The following PHACTR4 variants were observed in gnomAD, a reference collection of about 807,000 sequenced individuals.
PHACTR4 encodes phosphatase and actin regulator 4.
In PHACTR4, 51 loss-of-function variants were observed where a neutral mutation model predicts 72.7. The ratio of observed to expected loss-of-function variants is 0.70; its 90% CI spans 0.56 to 0.89. The LOEUF is 0.89. Among genes scored for constraint, PHACTR4 ranks in the 40% least tolerant of loss-of-function variants. The pLI, the probability that PHACTR4 is intolerant of heterozygous loss-of-function variation, is 0.00. For missense variants in PHACTR4, 731 were observed against 861.8 expected (o/e 0.85, Z 1.90); for synonymous variants, 255 against 302.5 (o/e 0.84, Z 1.63).
chr1:28,473,460 T>A, intron 6 of PHACTR4, 94 bp from the exon 7 acceptor site: 3 of 919,406 alleles, frequency 3.3e-6, no homozygotes, highest in Non-Finnish European at 5.1e-6. Context: ...GCTTAAAAGA[T>A]TAAAACTGAA....
intron 6 of PHACTR4, among the ~76,000 whole-genome samples, chr1:28,471,220 A>C (rs1194385159): frequency 6.6e-6 from 1 of 151,834 alleles, no homozygotes; most frequent in Admixed American, 6.6e-5. Flanking sequence ...GTGGTGGCAC[A>C]TGCCTGTAAT....
intron 9 of PHACTR4, among the ~76,000 whole-genome samples, chr1:28,480,877 C>G (rs1344326025): frequency 1.3e-5 from 2 of 152,074 alleles, no homozygotes; most frequent in African/African-American, 4.8e-5. Context: ...TTAGCAAAGA[C>G]AGCGTTTCGC....
Position 28,459,272 on chromosome 1 carries a change from G to A in PHACTR4, c.190+14G>A, listed in dbSNP as rs1346797168. On this transcript the variant is annotated intron_variant, in intron 3 of 13. Coordinates refer to ENST00000373839, the MANE Select transcript of PHACTR4 (RefSeq NM_001048183.3). The stretch of plus-strand genomic sequence containing the variant: ...AGACTTCAGAAGGTGAGATATTAAG[G>A]GTTAAATGTGTGTTCTGAGTTAGAA... 6.2e-7 allele frequency: 1 copy of A among 1,602,728 alleles called. No individual in the cohort carries two copies. Among genetic ancestry groups the A allele is most frequent in the Admixed American group, 1.7e-5 (1 of 59,340 alleles).
intron 1 of PHACTR4, among the ~76,000 whole-genome samples, chr1:28,398,602 T>C (rs916769506): frequency 6.6e-6 from 1 of 152,014 alleles, no homozygotes; most frequent in Non-Finnish European, 1.5e-5. Flanking sequence ...GCGGATCGCT[T>C]GAGGTCAAGA....
intron 1 of PHACTR4, among the ~76,000 whole-genome samples, chr1:28,403,641 T>A (rs1165101925): frequency 6.6e-6 from 1 of 152,194 alleles, no homozygotes; most frequent in Non-Finnish European, 1.5e-5. Flanking sequence ...TGGCTTTTAA[T>A]ATATTTGCAA....
intron 2 of PHACTR4, among the ~76,000 whole-genome samples, chr1:28,422,879 C>T (rs1020776671): frequency 5.3e-5 from 8 of 152,166 alleles, no homozygotes; most frequent in Admixed American, 2.0e-4. Context: ...CTTCACCTCC[C>T]GGGTTCAAGC....
chr1:28,458,629 A>G (rs916624479), intron 2 of PHACTR4, among the ~76,000 whole-genome samples: 1 of 152,166 alleles, frequency 6.6e-6, no homozygotes, highest in Non-Finnish European at 1.5e-5. Flanking sequence ...AGCAGATATA[A>G]GTAAGGTACT....
intron 2 of PHACTR4, among the ~76,000 whole-genome samples, chr1:28,432,602 A>G (rs1656349469): frequency 6.6e-6 from 1 of 151,920 alleles, no homozygotes; most frequent in South Asian, 2.1e-4. Context: ...GCACCTCTGC[A>G]CTCCAGCCTA....
chr1:28,457,353 T>C (rs1469787832), intron 2 of PHACTR4: 1 of 442,718 alleles, frequency 2.3e-6, no homozygotes, highest in East Asian at 7.1e-5. Flanking sequence ...CCAGTGCTTT[T>C]GGGAGGCCAA....
chr1:28,484,733 C>T (rs566892931), intron 9 of PHACTR4, among the ~76,000 whole-genome samples: 6 of 151,550 alleles, frequency 4.0e-5, no homozygotes, highest in African/African-American at 1.2e-4. Context: ...TTTGGGAGGC[C>T]GAGGCGGGTG....
intron 6 of PHACTR4, chr1:28,467,341 G>A (rs74894865): frequency 0.088 from 13,460 of 152,218 alleles, 1,287 homozygotes; most frequent in African/African-American, 0.24. Flanking sequence ...TATTTAATCT[G>A]TTTTTCTAAA....
At chr1:28,414,825 G>A (rs1039155686) in intron 2 of PHACTR4, among the ~76,000 whole-genome samples, 1 of 152,146 alleles carries the variant, frequency 6.6e-6, no homozygotes, top group Admixed American at 6.5e-5. Flanking sequence ...ATGGAGTAGG[G>A]AAAGTGATAG....
At chr1:28,402,313 A>G (rs1402169612) in intron 1 of PHACTR4, among the ~76,000 whole-genome samples, 3 of 152,194 alleles carry the variant, frequency 2.0e-5, no homozygotes, top group African/African-American at 4.8e-5. Flanking sequence ...TCTTTAAAAC[A>G]TAGTAAGTTT....
chr1:28,412,009 C>A (rs1323566893), intron 2 of PHACTR4, among the ~76,000 whole-genome samples: 1 of 152,084 alleles, frequency 6.6e-6, no homozygotes, highest in Non-Finnish European at 1.5e-5. Flanking sequence ...GACCTAAGGT[C>A]TCTAGGACCT....
At chr1:28,397,272 A>G (rs116381881) in intron 1 of PHACTR4, among the ~76,000 whole-genome samples, 1,593 of 152,300 alleles carry the variant, frequency 0.01, 26 homozygotes, top group African/African-American at 0.036. Flanking sequence ...GATTCTCATT[A>G]AAGATGAGTA....
Position 28,457,926 on chromosome 1 carries a change from T to TTC in PHACTR4, c.17-1158_17-1157insCT, listed in dbSNP as rs763883015. On this transcript the variant is annotated intron_variant, in intron 2 of 13. Coordinates refer to ENST00000373839, the MANE Select transcript of PHACTR4 (RefSeq NM_001048183.3). ...TGGTTGCCTTCCTGCTGGTTTTTTT[T>TTC]TTTTTCCTTTCTTTAAATTCTTGGC... 71 of 943,174 alleles carry TTC rather than the reference T, an allele frequency of 7.5e-5. No homozygotes were observed. In the East Asian group the frequency reaches 1.0e-3, roughly 14 times the overall value. The allele number at this position is 943,174 out of a possible 1,614,324, so 58.4% of individuals were successfully genotyped here.
chr1:28,473,941 G>C lies in PHACTR4; in HGVS notation c.1211G>C (p.Gly404Ala). 6.2e-7 allele frequency: 1 copy of C among 1,614,082 alleles called. No homozygotes were observed. Among genetic ancestry groups the C allele is most frequent in the Non-Finnish European group, 8.5e-7 (1 of 1,180,012 alleles). ...VPKRILDQNF[G>A]EPHIPSRLPP... is the part of the protein sequence containing the mutation. ...AAGAGGATACTGGACCAGAACTTTG[G>C]GGAGCCCCATATACCCTCTAGGCTG... Residue 404 changes from glycine (G) to alanine (A), a missense_variant, in exon 7 of 14, where the codon GGG (glycine) becomes GCG (alanine). Gly to Ala is a moderately conservative substitution (Grantham distance 60). Around this residue, in one of 2 missense-constraint regions of PHACTR4, gnomAD observed 621 missense variants for 676.6 expected, o/e 0.92. Coordinates refer to ENST00000373839, the MANE Select transcript of PHACTR4 (RefSeq NM_001048183.3).
rs1451386501 is a variant in PHACTR4, at chr1:28,444,049, GA to G, written c.17-15035del. ...GGCTATACTAGTTTACATTCCCACCGACAGTGTATAGTGTTCCCTTTACTCT... is the reference window on the plus strand; with the variant it reads ...GGCTATACTAGTTTACATTCCCACCGCAGTGTATAGTGTTCCCTTTACTCT... On this transcript the variant is annotated intron_variant, in intron 2 of 13. Transcript: ENST00000373839. 2.0e-5 allele frequency among the ~76,000 whole-genome samples: 3 copies of G among 151,626 alleles called. 1 individual carries two copies. The highest frequency in any genetic ancestry group is 4.4e-5 in the Non-Finnish European group (3 of 67,946).
At chr1:28,384,204 C>T (rs896715641) in intron 1 of PHACTR4, among the ~76,000 whole-genome samples, 9 of 152,112 alleles carry the variant, frequency 5.9e-5, no homozygotes, top group African/African-American at 1.9e-4. Context: ...AGTCCCTCCT[C>T]TTCATTCTTT....
Sources: gnomAD v4.1 joint callset for allele counts (sites outside exome capture counted in the v4.1 genomes callset) on GRCh38, gnomAD v4.1.1 for gene constraint, gnomAD v4.1.1 regional missense constraint, MANE v1.5 for transcripts, NCBI Gene and HGNC (gene_info 2026-07-23, HGNC 2026-07-21) for gene names.